Variants in SIPA1L2 observed in about 807,000 individuals in gnomAD.
The protein encoded by SIPA1L2 is signal-induced proliferation-associated 1-like protein 2.
Under a neutral mutation model 163.9 loss-of-function variants are expected in SIPA1L2, and 56 were observed. The observed-to-expected ratio is 0.34, with a 90% CI of 0.28 to 0.43. The LOEUF is 0.43. Among genes scored for constraint, SIPA1L2 ranks in the 20% least tolerant of loss-of-function variants. The probability of loss-of-function intolerance (pLI) is 1.00; values close to 1 mark genes in which losing one functional copy is unlikely to be tolerated. For missense variants in SIPA1L2, 1,974 were observed against 2,193.5 expected, an observed-to-expected ratio of 0.90 and a Z score of 2.00; for synonymous variants, 877 against 865.7, an observed-to-expected ratio of 1.01 and a Z score of -0.23.
Position 232,479,716 on chromosome 1 carries a change from T to C in SIPA1L2, c.1996A>G (p.Thr666Ala). Residue 666 changes from threonine (T) to alanine (A), a missense_variant, in exon 7 of 23, where the codon ACG becomes GCG. This residue lies in a region of SIPA1L2 where 288 missense variants were observed against 418.9 expected (regional missense o/e 0.69). Transcript: ENST00000674635. ...QLDNKTDSTG[T>A]HSLYTTYKDY... Reference sequence around the variant, plus strand: ...TTGTATGTGGTATAGAGAGAGTGCGTGCCCGTGGAATCAGCTGAAAACAAA... The same window carrying C: ...TTGTATGTGGTATAGAGAGAGTGCGCGCCCGTGGAATCAGCTGAAAACAAA... The C allele has an allele frequency of 1.2e-6, 2 of 1,613,530 alleles. No individual in the cohort carries two copies. Among genetic ancestry groups the C allele is most frequent in the East Asian group, 2.2e-5 (1 of 44,860 alleles).
At chr1:232,425,536 T>G (rs888230828) in intron 18 of SIPA1L2, 53 bp downstream of exon 18, 131 of 1,418,726 alleles carry the variant, frequency 9.2e-5, no homozygotes, top group Middle Eastern at 2.5e-4. Context: ...GCAGGAGTTG[T>G]GCGATCAGCC....
chr1:232,540,170 G>C (rs997881900), intron 2 of SIPA1L2, among the ~76,000 whole-genome samples: 2 of 152,128 alleles, frequency 1.3e-5, no homozygotes, highest in African/African-American at 2.4e-5. Context: ...CGGGCGTGGT[G>C]GTGGGCACCT....
intron 2 of SIPA1L2, among the ~76,000 whole-genome samples, chr1:232,534,820 C>A (rs1429595226): frequency 6.6e-6 from 1 of 152,182 alleles, no homozygotes; most frequent in Non-Finnish European, 1.5e-5. Flanking sequence ...CTCATGAATC[C>A]TCCCGTTAAC....
intron 10 of SIPA1L2, among the ~76,000 whole-genome samples, chr1:232,454,666 C>CT (rs1185990945): frequency 2.6e-5 from 4 of 152,178 alleles, no homozygotes; most frequent in Non-Finnish European, 5.9e-5. Context: ...GGTTACTAGT[C>CT]TAACACAATG....
At chr1:232,548,345 T>A (rs1395321853) in intron 2 of SIPA1L2, among the ~76,000 whole-genome samples, 1 of 152,286 alleles carries the variant, frequency 6.6e-6, no homozygotes, top group Non-Finnish European at 1.5e-5. Flanking sequence ...GGGGATATTC[T>A]CAGACTATAA....
At chr1:232,570,899 A>G (rs1659687923) in intron 2 of SIPA1L2, among the ~76,000 whole-genome samples, 1 of 151,488 alleles carries the variant, frequency 6.6e-6, no homozygotes, top group Non-Finnish European at 1.5e-5. Flanking sequence ...TAATTTTTAT[A>G]ATTGTGGAGT....
intron 2 of SIPA1L2, among the ~76,000 whole-genome samples, 30 bp downstream of exon 2, chr1:232,574,144 G>C (rs577958913): frequency 6.6e-6 from 1 of 152,290 alleles, no homozygotes; most frequent in Admixed American, 6.5e-5. Flanking sequence ...ATGCCTCTCT[G>C]AAGTGAGGAT....
intron 1 of SIPA1L2, among the ~76,000 whole-genome samples, chr1:232,605,007 A>C (rs1230695546): frequency 6.6e-6 from 1 of 152,142 alleles, no homozygotes; most frequent in Non-Finnish European, 1.5e-5. Context: ...GTATTTCTTT[A>C]TAGCAATGCA....
chr1:232,480,176 T>C (rs1027546248), intron 6 of SIPA1L2, among the ~76,000 whole-genome samples: 4 of 138,644 alleles, frequency 2.9e-5, no homozygotes, highest in African/African-American at 1.1e-4. Flanking sequence ...TGTGTGTGTG[T>C]GTGTGTGTGT....
intron 1 of SIPA1L2, among the ~76,000 whole-genome samples, chr1:232,589,319 T>C (rs1029009761): frequency 6.6e-6 from 1 of 152,234 alleles, no homozygotes; most frequent in East Asian, 1.9e-4. Context: ...TAGTCTTGTG[T>C]AACACTACGG....
intron 17 of SIPA1L2, 105 bp downstream of exon 17, chr1:232,428,306 T>C: frequency 3.0e-6 from 3 of 998,960 alleles, no homozygotes; most frequent in South Asian, 2.5e-5. Context: ...TCATGAGAGA[T>C]GAAGCATGTG....
chr1:232,526,585 CCTT>C lies in SIPA1L2; in HGVS notation c.-269-10980_-269-10978del, dbSNP rs550426677. On this transcript the variant is annotated intron_variant, in intron 2 of 22. Coordinates refer to ENST00000674635, the MANE Select transcript of SIPA1L2 (RefSeq NM_020808.5). Reference sequence around the variant, plus strand: ...AGTAATGCTCGCCTGCTGCTCGCCTCCTTCTGTGCAGCCCGGTTCCTAACAGGC... The same window carrying C: ...AGTAATGCTCGCCTGCTGCTCGCCTCCTGTGCAGCCCGGTTCCTAACAGGC... Among the ~76,000 whole-genome samples the C allele has an allele frequency of 2.6e-3, 403 of 152,338 alleles. 4 individuals are homozygous for C. The highest frequency in any genetic ancestry group is 9.2e-3 in the African/African-American group (384 of 41,584).
intron 2 of SIPA1L2, among the ~76,000 whole-genome samples, chr1:232,522,344 G>C (rs572634601): frequency 6.6e-6 from 1 of 152,060 alleles, no homozygotes; most frequent in African/African-American, 2.4e-5. Context: ...CTTATCCTTT[G>C]TACATGCACT....
chr1:232,508,374 C>T (rs1454988681), intron 3 of SIPA1L2, among the ~76,000 whole-genome samples: 2 of 152,240 alleles, frequency 1.3e-5, no homozygotes, highest in Admixed American at 6.5e-5. Flanking sequence ...AGGTGCACAA[C>T]TTCTTAACAA....
At chr1:232,597,513 T>TA (rs1177076389) in intron 1 of SIPA1L2, among the ~76,000 whole-genome samples, 4 of 127,960 alleles carry the variant, frequency 3.1e-5, no homozygotes, top group East Asian at 2.2e-4. Context: ...CCGTCTCTAC[T>TA]AAAAAATACC....
intron 6 of SIPA1L2, among the ~76,000 whole-genome samples, chr1:232,481,667 A>G (rs936166692): frequency 3.9e-5 from 6 of 152,180 alleles, no homozygotes; most frequent in Admixed American, 2.0e-4. Context: ...ACAGGCTATC[A>G]ATTTTATCAT....
Position 232,428,502 on chromosome 1 carries a change from G to T in SIPA1L2, c.4319C>A (p.Ala1440Asp). 6.2e-7 allele frequency: 1 copy of T among 1,600,440 alleles called. No individual in the cohort carries two copies. The highest frequency in any genetic ancestry group is 8.5e-7 in the Non-Finnish European group (1 of 1,174,192). The change falls in exon 17 of 23, where the codon GCT becomes GAT. Residue 1440 changes from alanine to aspartate, a missense_variant. Ala to Asp is a moderately radical substitution (Grantham distance 126). Coordinates refer to ENST00000674635, the MANE Select transcript of SIPA1L2 (RefSeq NM_020808.5). ...CAGAACATGTTGAGTCTCTGCAACAGCATCTCCCACCACTGTCTGATGCTG... is the reference window on the plus strand; with the variant it reads ...CAGAACATGTTGAGTCTCTGCAACATCATCTCCCACCACTGTCTGATGCTG... ...ATQHQTVVGD[A>D]VAETQHVLSK... is the part of the protein sequence containing the mutation.
Position 232,465,517 on chromosome 1 carries a change from T to TACACACACACACACACATATACATAC in SIPA1L2, c.2244-127_2244-102dup. 1 of 562,908 alleles carries TACACACACACACACACATATACATAC rather than the reference T, an allele frequency of 1.8e-6. No individual in the cohort carries two copies. The highest frequency in any genetic ancestry group is 2.5e-5 in the African/African-American group (1 of 39,936). 34.9% of individuals were successfully genotyped at this position (562,908 alleles called of 1,614,324 possible). On this transcript the variant is annotated intron_variant, in intron 8 of 22. Transcript: ENST00000674635. This position sits in a 1 kb window ranked among gnomAD's most constrained non-coding sequence, Gnocchi z 4.1. ...ATATACACACACACACACATATACA[T>TACACACACACACACACATATACATAC]ACACACACACACACACATATACATA...
intron 16 of SIPA1L2, among the ~76,000 whole-genome samples, chr1:232,431,178 A>G (rs1662216793): frequency 6.6e-6 from 1 of 152,248 alleles, no homozygotes; most frequent in South Asian, 2.1e-4. Context: ...AAGGCTTGGA[A>G]TGAATTCCCG....
Sources: gnomAD v4.1 joint callset for allele counts (sites outside exome capture counted in the v4.1 genomes callset) on GRCh38, gnomAD v4.1.1 for gene constraint, gnomAD v4.1.1 regional missense constraint, Gnocchi (gnomAD v3.1) non-coding constraint, MANE v1.5 for transcripts, NCBI Gene and HGNC (gene_info 2026-07-23, HGNC 2026-07-21) for gene names.